Variants in MRS2 observed in about 807,000 individuals in gnomAD.
MRS2 encodes the protein magnesium transporter MRS2, also known as magnesium transporter MRS2 homolog, mitochondrial.
A neutral mutation model predicts 52.6 loss-of-function variants in MRS2; 40 were observed. That is an observed-to-expected ratio of 0.76 (90% CI 0.59 to 0.99). The LOEUF (loss-of-function observed/expected upper bound fraction) is 0.99. MRS2 is among the 50% of genes least tolerant of loss of function. The probability of loss-of-function intolerance (pLI) is 0.00; values close to 1 mark genes in which losing one functional copy is unlikely to be tolerated. For synonymous variants in MRS2, 193 were observed against 195.9 expected, an observed-to-expected ratio of 0.98 and a Z score of 0.13; for missense variants, 472 against 532.7, an observed-to-expected ratio of 0.89 and a Z score of 1.12.
At chr6:24,415,328 T>C (rs1761812268) in intron 6 of MRS2, among the ~76,000 whole-genome samples, 165 bp downstream of exon 6, 2 of 152,200 alleles carry the variant, frequency 1.3e-5, no homozygotes, top group South Asian at 4.1e-4. Context: ...ATACTTTGCA[T>C]GAAATGTCAT....
intron 3 of MRS2, 104 bp downstream of exon 3, chr6:24,408,548 A>G: frequency 1.2e-6 from 1 of 807,552 alleles, no homozygotes; most frequent in Non-Finnish European, 2.1e-6. Context: ...TTGCATATAC[A>G]GGTGTGTTGA....
chr6:24,419,705 TTCATTTCACTGTGGTTTTGTACAG>T (rs1279912961), intron 9 of MRS2, among the ~76,000 whole-genome samples: 1 of 152,230 alleles, frequency 6.6e-6, no homozygotes, highest in Non-Finnish European at 1.5e-5. Flanking sequence ...CCCAGAGTTT[TTCATTTCACTGTGGTTTTGTACAG>T]TCATCCCTCA....
chr6:24,416,566 C>T, intron 7 of MRS2, 53 bp downstream of exon 7: 2 of 940,990 alleles, frequency 2.1e-6, no homozygotes, highest in Non-Finnish European at 3.4e-6. Context: ...AATCTTTTGC[C>T]TTTTCCACTT....
In MRS2 at chr6:24,425,497, T is replaced by C. The variant is rs1762203385; in HGVS notation, c.*1803T>C. Reference sequence around the variant, plus strand: ...TGAAGGTGGTTAAATCAAGTATGATTTCAAAATATCAACTAGTTCCACTTT... The same window carrying C: ...TGAAGGTGGTTAAATCAAGTATGATCTCAAAATATCAACTAGTTCCACTTT... On this transcript the variant is annotated 3_prime_UTR_variant, in exon 11 of 11. Coordinates refer to ENST00000378386, the MANE Select transcript of MRS2 (RefSeq NM_020662.4). 6.6e-6 allele frequency: 1 copy of C among 152,360 alleles called. No individual in the cohort carries two copies. The highest frequency in any genetic ancestry group is 1.5e-5 in the Non-Finnish European group (1 of 68,036). 9.4% of individuals were successfully genotyped at this position (152,360 alleles called of 1,614,324 possible).
intron 4 of MRS2, among the ~76,000 whole-genome samples, chr6:24,411,350 G>A (rs1430048946): frequency 6.6e-6 from 1 of 151,574 alleles, no homozygotes; most frequent in African/African-American, 2.4e-5. Context: ...ATTTCATATT[G>A]TTCTAAATTA....
intron 2 of MRS2, among the ~76,000 whole-genome samples, chr6:24,408,141 T>A (rs2127283849): frequency 6.6e-6 from 1 of 152,304 alleles, no homozygotes; most frequent in Non-Finnish European, 1.5e-5. Flanking sequence ...ACACAACTGA[T>A]ACTCCTTTAT....
chr6:24,416,365 A>G (rs75878386), intron 6 of MRS2, 32 bp from the exon 7 acceptor site: 126,805 of 868,630 alleles, frequency 0.15, 10,625 homozygotes, highest in Middle Eastern at 0.16. Context: ...AGTTTATTCT[A>G]TTGATCATTT....
At chr6:24,410,319 G>T (rs1761608985) in intron 4 of MRS2, among the ~76,000 whole-genome samples, 1 of 152,108 alleles carries the variant, frequency 6.6e-6, no homozygotes, top group Admixed American at 6.6e-5. Flanking sequence ...GAAATATATT[G>T]TATTTTCCCT....
rs770533666 is a variant in MRS2, at chr6:24,408,451, G to C, written c.301+7G>C. The C allele has an allele frequency of 4.4e-6, 7 of 1,574,554 alleles. No homozygotes were observed. Among genetic ancestry groups the C allele is most frequent in the Non-Finnish European group, 6.1e-6 (7 of 1,145,986 alleles). ...GGAAACGTTACTTCTTTTGGTGAGT[G>C]ATTAGCATTCTAAATCATTTTTTAA... On this transcript the variant is annotated splice_region_variant and intron_variant, in intron 3 of 10. Coordinates refer to ENST00000378386, the MANE Select transcript of MRS2 (RefSeq NM_020662.4).
chr6:24,410,687 T>C (rs1761619275), intron 4 of MRS2: 1 of 1,421,284 alleles, frequency 7.0e-7, no homozygotes, highest in Non-Finnish European at 9.4e-7. Context: ...AAATACTTTA[T>C]CAAAAATGAA....
At chr6:24,418,427 C>T (rs1173915991) in intron 8 of MRS2, 34 bp from the exon 9 acceptor site, 1 of 1,612,198 alleles carries the variant, frequency 6.2e-7, no homozygotes, top group South Asian at 1.1e-5. Context: ...AGTTAGTGGG[C>T]CCTTCTAATC....
At chr6:24,408,269 C>A (rs1425393560) in intron 2 of MRS2, 139 bp from the exon 3 acceptor site, 1 of 600,412 alleles carries the variant, frequency 1.7e-6, no homozygotes, top group African/African-American at 1.9e-5. Flanking sequence ...TAAAGAAGGT[C>A]AGTAATGGTT....
At chr6:24,413,096 G>A (rs1170344842) in intron 5 of MRS2, among the ~76,000 whole-genome samples, 3 of 152,082 alleles carry the variant, frequency 2.0e-5, no homozygotes, top group African/African-American at 4.8e-5. Context: ...ACCAGCCAGT[G>A]AGATGATAAG....
chr6:24,415,223 T>G (rs1339277334), intron 6 of MRS2, 60 bp downstream of exon 6: 1 of 1,477,800 alleles, frequency 6.8e-7, no homozygotes, highest in East Asian at 2.3e-5. Context: ...AATCAATTAT[T>G]AACATTTTGT....
At position 24,409,633 on chromosome 6, in the gene MRS2, A is replaced by G. The variant is rs1470975315; in HGVS notation, c.414+60A>G. 4.7e-6 allele frequency: 5 copies of G among 1,059,382 alleles called. No individual in the cohort carries two copies. In the African/African-American group the frequency reaches 8.1e-5, roughly 17 times the overall value. 65.6% of individuals were successfully genotyped at this position (1,059,382 alleles called of 1,614,324 possible). A position where few individuals can be genotyped will look rare whatever the true frequency, so the allele number is the denominator to read the frequency against. On this transcript the variant is annotated intron_variant, in intron 4 of 10. Coordinates refer to ENST00000378386, the MANE Select transcript of MRS2 (RefSeq NM_020662.4). ...TACAATCTTATAAAAGTTACCTTCT[A>G]ACTATCTTGATTAGTATCTAGGTTA...
chr6:24,409,151 A>C (rs1761570100), intron 3 of MRS2, among the ~76,000 whole-genome samples: 1 of 152,160 alleles, frequency 6.6e-6, no homozygotes, highest in Non-Finnish European at 1.5e-5. Flanking sequence ...TATTTAAGAG[A>C]GATAACCTGT....
rs1205563556 is a variant in MRS2 at position 24,424,169 on chromosome 6, T to G, written c.*475T>G. On this transcript the variant is annotated 3_prime_UTR_variant, in exon 11 of 11. Transcript: ENST00000378386. ...AACCTTACAACAGACTCTGTAAGTTTGAGCTTTAAAAACCAAACTTTGACA... is the reference window on the plus strand; with the variant it reads ...AACCTTACAACAGACTCTGTAAGTTGGAGCTTTAAAAACCAAACTTTGACA... 1 of 151,408 alleles carries G rather than the reference T, an allele frequency of 6.6e-6. No individual in the cohort carries two copies. The highest frequency in any genetic ancestry group is 2.5e-5 in the African/African-American group (1 of 40,670). 9.4% of individuals were successfully genotyped at this position (151,408 alleles called of 1,614,324 possible).
At chr6:24,416,668 A>G (rs1166235638) in intron 7 of MRS2, among the ~76,000 whole-genome samples, 155 bp downstream of exon 7, 2 of 152,172 alleles carry the variant, frequency 1.3e-5, no homozygotes, top group African/African-American at 4.8e-5. Flanking sequence ...CCTGTGCAGT[A>G]TCGTATCTAA....
At chr6:24,406,549 A>G (rs938059676) in intron 2 of MRS2, among the ~76,000 whole-genome samples, 1 of 152,098 alleles carries the variant, frequency 6.6e-6, no homozygotes, top group African/African-American at 2.4e-5. Context: ...TGAGGTGGGC[A>G]TATCATTTGA....
Sources: allele counts gnomAD v4.1 joint callset (sites outside exome capture counted in the v4.1 genomes callset), GRCh38; gene constraint gnomAD v4.1.1; transcripts MANE v1.5; gene names NCBI Gene and HGNC (gene_info 2026-07-23, HGNC 2026-07-21).